Variants in WRAP73 observed in about 807,000 individuals in gnomAD.
WRAP73 encodes WD repeat containing, antisense to TP73.
WRAP73 carries 55 observed loss-of-function variants against 59.6 expected under a neutral mutation model. The ratio of observed to expected loss-of-function variants is 0.92; its 90% confidence interval spans 0.74 to 1.15. The LOEUF (loss-of-function observed/expected upper bound fraction) is 1.15. WRAP73 is among the 50% of genes most tolerant of loss of function. The probability of loss-of-function intolerance (pLI) is 0.00; values close to 1 mark genes in which losing one functional copy is unlikely to be tolerated. For missense variants in WRAP73, 592 were observed against 608.1 expected (o/e 0.97, Z 0.28); for synonymous variants, 265 against 258.2 (o/e 1.03, Z -0.25).
intron 5 of WRAP73, chr1:3,636,246 A>C: frequency 1.8e-6 from 1 of 570,002 alleles, no homozygotes; most frequent in East Asian, 3.0e-5. Context: ...CCAGCCCCCA[A>C]GGGCGGCTTG....
chr1:3,641,161 G>C (rs1443342506), intron 3 of WRAP73, among the ~76,000 whole-genome samples: 1 of 152,202 alleles, frequency 6.6e-6, no homozygotes, highest in Non-Finnish European at 1.5e-5. Context: ...TCAGCAGCAG[G>C]AAGAAAGGAC....
At chr1:3,642,267 T>C (rs1469501137) in intron 3 of WRAP73, among the ~76,000 whole-genome samples, 1 of 152,076 alleles carries the variant, frequency 6.6e-6, no homozygotes, top group Non-Finnish European at 1.5e-5. Context: ...ACAAGAGCAA[T>C]GAAGAGGAAT....
intron 3 of WRAP73, among the ~76,000 whole-genome samples, chr1:3,642,845 C>T (rs1644659497): frequency 6.6e-6 from 1 of 151,788 alleles, no homozygotes; most frequent in Non-Finnish European, 1.5e-5. Context: ...CATGTGTGAG[C>T]GTCTGTGTGT....
chr1:3,636,416 C>T (rs1644590004), intron 5 of WRAP73: 1 of 319,442 alleles, frequency 3.1e-6, no homozygotes, highest in Admixed American at 4.7e-5. Context: ...GCTTGGTCTC[C>T]CCGCACCTGC....
In WRAP73 at chr1:3,646,540, T is replaced by C; in HGVS notation, c.339+126A>G. 2.8e-6 allele frequency: 2 copies of C among 708,990 alleles called. No individual in the cohort carries two copies. The highest frequency in any genetic ancestry group is 5.3e-5 in the East Asian group (2 of 37,852). The allele number at this position is 708,990 out of a possible 1,614,324, so 43.9% of individuals were successfully genotyped here. ...TCTGAATCCCCTGGTGGTCTTAGAATGCATCCCCTGAGGATAAGGGGAGAC... is the reference window on the plus strand; with the variant it reads ...TCTGAATCCCCTGGTGGTCTTAGAACGCATCCCCTGAGGATAAGGGGAGAC... On this transcript the variant is annotated intron_variant, in intron 3 of 11. Coordinates refer to ENST00000270708, the MANE Select transcript of WRAP73 (RefSeq NM_017818.4). This position sits in a 1 kb window ranked among gnomAD's most constrained non-coding sequence, Gnocchi z 5.1.
intron 3 of WRAP73, among the ~76,000 whole-genome samples, chr1:3,642,111 G>T (rs1443419781): frequency 6.6e-6 from 1 of 152,208 alleles, no homozygotes; most frequent in African/African-American, 2.4e-5. Flanking sequence ...GGCAGAGCCG[G>T]GCGCACTGTT....
intron 3 of WRAP73, among the ~76,000 whole-genome samples, chr1:3,642,701 C>T (rs891422053): frequency 2.1e-5 from 3 of 143,940 alleles, no homozygotes; most frequent in African/African-American, 7.9e-5. Flanking sequence ...CACACCATTG[C>T]ACTACAGCCT....
intron 5 of WRAP73, chr1:3,636,710 G>C: frequency 2.2e-6 from 1 of 457,734 alleles, no homozygotes; most frequent in Non-Finnish European, 4.2e-6. Context: ...CTCCCGACGT[G>C]GCACACACAT....
intron 3 of WRAP73, among the ~76,000 whole-genome samples, chr1:3,645,002 C>T (rs1380871476): frequency 6.6e-6 from 1 of 152,222 alleles, no homozygotes; most frequent in Admixed American, 6.5e-5. Context: ...AACACTCAGG[C>T]CGAAAGTGCC....
intron 2 of WRAP73, among the ~76,000 whole-genome samples, chr1:3,647,064 A>C (rs1644699200): frequency 6.6e-6 from 1 of 152,192 alleles, no homozygotes. Flanking sequence ...TTGTTGTTTT[A>C]AAACTGTTTA....
intron 3 of WRAP73, among the ~76,000 whole-genome samples, chr1:3,642,939 G>A (rs531522896): frequency 2.6e-5 from 4 of 151,464 alleles, no homozygotes; most frequent in Admixed American, 1.3e-4. Flanking sequence ...TCATTTAGTC[G>A]CCTGGATGGA....
intron 11 of WRAP73, 150 bp from the exon 12 acceptor site, chr1:3,631,267 G>T (rs374251689): frequency 7.2e-7 from 1 of 1,387,988 alleles, no homozygotes; most frequent in Non-Finnish European, 9.8e-7. Context: ...CTCAAGTCAG[G>T]GAGAGGCTGC....
At position 3,631,583 on chromosome 1, in the gene WRAP73, G is replaced by A; in HGVS notation, c.1123C>T (p.Pro375Ser). The A allele has an allele frequency of 6.2e-7, 1 of 1,609,622 alleles. No individual in the cohort carries two copies. Among genetic ancestry groups the A allele is most frequent in the South Asian group, 1.1e-5 (1 of 91,046 alleles). ...GGGTCCCACTGAAATGCGCGCACTG[G>A]GGACAGCTGCTCGAGCACCGCGAAC... ...RLFAVLEQLSPVRAFQWDPQQ... is the reference protein window; with the variant it reads ...RLFAVLEQLSSVRAFQWDPQQ... Residue 375 changes from proline to serine, a missense_variant, in exon 11 of 12, where the codon CCA becomes TCA. Physicochemically the swap from Pro to Ser is moderately conservative, Grantham distance 74. Coordinates refer to ENST00000270708, the MANE Select transcript of WRAP73 (RefSeq NM_017818.4).
Position 3,649,945 on chromosome 1 carries a change from C to T in WRAP73, c.55G>A (p.Asp19Asn). ...CCGCCGCTCACCAGGTACTTGCCGT[C>T]CGGGGAGAACTTGCAGAGTAAGCTG... is the stretch of plus-strand genomic sequence containing the variant. The part of the protein sequence containing the change: ...LSSLLCKFSP[D>N]GKYLASCVQY... The change falls in exon 1 of 12, where the codon GAC becomes AAC. Residue 19 changes from aspartate to asparagine, a missense_variant. By Grantham distance (23) the Asp-to-Asn change is conservative. Transcript: ENST00000270708. The T allele has an allele frequency of 6.2e-7, 1 of 1,603,658 alleles. No homozygotes were observed. The highest frequency in any genetic ancestry group is 8.5e-7 in the Non-Finnish European group (1 of 1,176,324).
In WRAP73 at chr1:3,632,218, C is replaced by G. The variant is rs201901411; in HGVS notation, c.1043G>C (p.Arg348Thr). ...CCTGCGTCAGCACAACTGACCGTTC[C>G]TTGTCGCCAGGAAGTAGCTGTCAGG... is the stretch of plus-strand genomic sequence containing the variant. ...FSPDSYFLAT[R>T]NDNIPNAVWV... is the part of the protein sequence containing the mutation. The change falls in exon 10 of 12, where the codon AGG becomes ACG. Residue 348 changes from arginine (R) to threonine (T), a missense_variant. By Grantham distance (71) the Arg-to-Thr change is moderately conservative. Coordinates refer to ENST00000270708, the MANE Select transcript of WRAP73 (RefSeq NM_017818.4). The G allele has an allele frequency of 1.5e-5, 25 of 1,613,218 alleles. No homozygotes were observed. The highest frequency in any genetic ancestry group is 2.0e-5 in the Non-Finnish European group (24 of 1,179,454).
At chr1:3,631,874 C>G in intron 10 of WRAP73, 1 of 1,374,076 alleles carries the variant, frequency 7.3e-7, no homozygotes, top group Non-Finnish European at 9.3e-7. Context: ...AAATGTGTTT[C>G]TTTCTTTGGT....
intron 3 of WRAP73, among the ~76,000 whole-genome samples, chr1:3,642,013 G>A (rs937872024): frequency 1.8e-4 from 27 of 152,218 alleles, no homozygotes; most frequent in African/African-American, 6.3e-4. Context: ...GGAATCATGG[G>A]AACCGCTTCA....
At chr1:3,648,945 A>G (rs1343749530) in intron 1 of WRAP73, among the ~76,000 whole-genome samples, 1 of 152,228 alleles carries the variant, frequency 6.6e-6, no homozygotes, top group Non-Finnish European at 1.5e-5. Flanking sequence ...ACGTAATTTG[A>G]GAGTTAAACT....
intron 3 of WRAP73, among the ~76,000 whole-genome samples, chr1:3,643,616 C>A (rs1207825261): frequency 6.8e-6 from 1 of 147,860 alleles, no homozygotes; most frequent in Non-Finnish European, 1.5e-5. Context: ...AGCGGCCCCG[C>A]TGAGCCCCGG....
Sources: gnomAD v4.1 joint callset for allele counts (sites outside exome capture counted in the v4.1 genomes callset) on GRCh38, gnomAD v4.1.1 for gene constraint, Gnocchi (gnomAD v3.1) non-coding constraint, MANE v1.5 for transcripts, NCBI Gene and HGNC (gene_info 2026-07-23, HGNC 2026-07-21) for gene names.